Variants in MS4A6E observed in about 807,000 individuals in gnomAD.
MS4A6E encodes the protein membrane-spanning 4-domains subfamily A member 6E.
MS4A6E carries 8 observed loss-of-function variants against 13.2 expected under a neutral mutation model. That is an observed-to-expected ratio of 0.60 (90% CI 0.35 to 1.09). The LOEUF is 1.09. Ranked by LOEUF, MS4A6E falls within the 50% of genes least tolerant of loss-of-function variation. MS4A6E has a pLI of 0.02. For synonymous variants in MS4A6E, 72 were observed against 67.6 expected (o/e 1.06, Z -0.32); for missense variants, 177 against 171.1 (o/e 1.03, Z -0.19).
At chr11:60,335,590 T>C (rs1390133744) in intron 2 of MS4A6E, 3 of 455,730 alleles carry the variant, frequency 6.6e-6, no homozygotes, top group East Asian at 1.4e-4. Flanking sequence ...CTATCTTGGA[T>C]TGGGAGGGAA....
At chr11:60,338,073 T>C (rs532647379) in intron 3 of MS4A6E, 126 bp downstream of exon 3, 2 of 876,250 alleles carry the variant, frequency 2.3e-6, no homozygotes, top group South Asian at 3.6e-5. Flanking sequence ...AAGGCCAAGG[T>C]TATGTAAATC....
chr11:60,333,750 C>T (rs1199203730), intron 1 of MS4A6E, among the ~76,000 whole-genome samples: 1 of 152,164 alleles, frequency 6.6e-6, no homozygotes, highest in Non-Finnish European at 1.5e-5. Context: ...CAGTTTTGCC[C>T]ATGGACCTGC....
At chr11:60,341,644 C>A (rs1235353136), downstream of MS4A6E, among the ~76,000 whole-genome samples, 1 of 152,076 alleles carries the variant, frequency 6.6e-6, no homozygotes, top group Non-Finnish European at 1.5e-5. Context: ...TTTTATATGA[C>A]CTCCATTTCT....
intron 1 of MS4A6E, among the ~76,000 whole-genome samples, chr11:60,332,595 T>A (rs2085163809): frequency 6.6e-6 from 1 of 152,180 alleles, no homozygotes; most frequent in South Asian, 2.1e-4. Context: ...TGATCTTATG[T>A]CAGTTTGACA....
chr11:60,331,471 A>T (rs2085155482), intron 1 of MS4A6E, among the ~76,000 whole-genome samples: 1 of 152,012 alleles, frequency 6.6e-6, no homozygotes, highest in African/African-American at 2.4e-5. Context: ...TTAGTCTTTT[A>T]TGACACTGAC....
chr11:60,340,310 C>T (rs1473757956), intron 4 of MS4A6E, among the ~76,000 whole-genome samples: 1 of 152,154 alleles, frequency 6.6e-6, no homozygotes, highest in African/African-American at 2.4e-5. Context: ...CCTGGCTTGC[C>T]TCCCTTCTAA....
intron 4 of MS4A6E, among the ~76,000 whole-genome samples, chr11:60,348,536 G>A (rs182569548): frequency 1.6e-4 from 24 of 152,310 alleles, no homozygotes; most frequent in Admixed American, 6.5e-4. Flanking sequence ...TATGGCAGTC[G>A]CAGATGGAAA....
downstream of MS4A6E, among the ~76,000 whole-genome samples, chr11:60,342,178 TGAGAGAGA>T (rs759102438): frequency 1.1e-4 from 3 of 27,760 alleles, no homozygotes; most frequent in African/African-American, 3.9e-4. Context: ...TGTGTGTGTG[TGAGAGAGA>T]GAGAGAGAGA....
intron 2 of MS4A6E, among the ~76,000 whole-genome samples, chr11:60,335,877 GT>G (rs2085185888): frequency 6.6e-6 from 1 of 152,166 alleles, no homozygotes. Flanking sequence ...GGTTTTGTTA[GT>G]TTGCTAAGGG....
At chr11:60,328,833 T>C (rs1055078040) in intron 1 of MS4A6E, among the ~76,000 whole-genome samples, 1 of 151,946 alleles carries the variant, frequency 6.6e-6, no homozygotes, top group African/African-American at 2.4e-5. Flanking sequence ...GAAAGATAAG[T>C]AGGATGAGCA....
downstream of MS4A6E, among the ~76,000 whole-genome samples, chr11:60,341,519 C>T (rs1030795282): frequency 6.6e-6 from 1 of 152,088 alleles, no homozygotes; most frequent in Admixed American, 6.5e-5. Context: ...TTCATACTTA[C>T]GTCCTTATTT....
rs1011468586 is a variant in MS4A6E, at chr11:60,328,869, A to G, written c.-15+1461A>G. On this transcript the variant is annotated intron_variant, in intron 1 of 4. Coordinates refer to ENST00000684409, the MANE Select transcript of MS4A6E (RefSeq NM_139249.4). ...AATCTAGAGTTCTAATGTACAGTAC[A>G]AAGACGATAGTTAATAACAAGGTAT... 1.1e-4 allele frequency among the ~76,000 whole-genome samples: 17 copies of G among 152,196 alleles called. 1 individual carries two copies. The highest frequency in any genetic ancestry group is 4.1e-4 in the African/African-American group (17 of 41,428).
Position 60,337,929 on chromosome 11 carries a change from A to G in MS4A6E, c.336A>G (p.Arg112=). The G allele has an allele frequency of 6.2e-7, 1 of 1,614,164 alleles. No homozygotes were observed. The highest frequency in any genetic ancestry group is 8.5e-7 in the Non-Finnish European group (1 of 1,179,998). ...YHSPYTMDCH[R]AKASLAGTLS... The stretch of plus-strand genomic sequence containing the variant: ...CACCTTACACCATGGACTGCCATAG[A>G]GCCAAAGCCAGTCTGGCTGTAAGTA... Residue 112 remains arginine (R), a synonymous_variant, in exon 3 of 5, where the codon AGA becomes AGG. Coordinates refer to ENST00000684409, the MANE Select transcript of MS4A6E (RefSeq NM_139249.4).
chr11:60,340,833 T>C lies in MS4A6E; in HGVS notation c.*67T>C, dbSNP rs1478635363. 1 of 187,036 alleles carries C rather than the reference T, an allele frequency of 5.3e-6. No homozygotes were observed. The highest frequency in any genetic ancestry group is 2.3e-5 in the African/African-American group (1 of 42,784). 11.6% of individuals were successfully genotyped at this position (187,036 alleles called of 1,614,324 possible). On this transcript the variant is annotated 3_prime_UTR_variant, in exon 5 of 5. Transcript: ENST00000684409. Reference sequence around the variant, plus strand: ...TGGATATGAAGAACTATTGACTTCTTGGGAAAAAACGGAGAAATATTAATT... The same window carrying C: ...TGGATATGAAGAACTATTGACTTCTCGGGAAAAAACGGAGAAATATTAATT...
At chr11:60,335,703 C>A (rs191610005) in intron 2 of MS4A6E, 143 of 419,050 alleles carry the variant, frequency 3.4e-4, no homozygotes, top group Non-Finnish European at 5.9e-4. Context: ...GGTTTCCTTG[C>A]CTCATGTACA....
chr11:60,329,762 CTA>C (rs375722249), intron 1 of MS4A6E, among the ~76,000 whole-genome samples: 55 of 149,980 alleles, frequency 3.7e-4, no homozygotes, highest in East Asian at 2.3e-3. Context: ...GCTTTTTTTC[CTA>C]TGTTTGTTAG....
downstream of MS4A6E, among the ~76,000 whole-genome samples, chr11:60,342,417 A>G (rs180874474): frequency 2.0e-5 from 3 of 152,236 alleles, no homozygotes; most frequent in South Asian, 4.2e-4. Flanking sequence ...TTTAATGGCT[A>G]AAAGAAAGAA....
In MS4A6E at chr11:60,341,093, C is replaced by T. The variant is rs1202312638; in HGVS notation, c.*327C>T. The T allele has an allele frequency of 1.3e-5, 2 of 152,056 alleles. No individual in the cohort carries two copies. The highest frequency in any genetic ancestry group is 3.8e-4 in the East Asian group (2 of 5,198). The allele number at this position is 152,056 out of a possible 1,614,324, so 9.4% of individuals were successfully genotyped here. A position where few individuals can be genotyped will look rare whatever the true frequency, so the allele number is the denominator to read the frequency against. Reference sequence around the variant, plus strand: ...CTAGCCAAATAGTCTTAGACATTTCCCAGAAAACTAGGCAGAATGATGATT... The same window carrying T: ...CTAGCCAAATAGTCTTAGACATTTCTCAGAAAACTAGGCAGAATGATGATT... On this transcript the variant is annotated 3_prime_UTR_variant, in exon 5 of 5. Coordinates refer to ENST00000684409, the MANE Select transcript of MS4A6E (RefSeq NM_139249.4).
intron 4 of MS4A6E, among the ~76,000 whole-genome samples, chr11:60,347,473 C>G (rs948750059): frequency 6.7e-6 from 1 of 149,162 alleles, no homozygotes; most frequent in Non-Finnish European, 1.5e-5. Flanking sequence ...ATATGAGATG[C>G]TTTTTTTTTC....
Sources: gnomAD v4.1 joint callset for allele counts (sites outside exome capture counted in the v4.1 genomes callset) on GRCh38, gnomAD v4.1.1 for gene constraint, MANE v1.5 for transcripts, NCBI Gene and HGNC (gene_info 2026-07-23, HGNC 2026-07-21) for gene names.